HS6ST2: variants seen among roughly 807,000 people sequenced by gnomAD.
HS6ST2 encodes heparan-sulfate 6-O-sulfotransferase 2.
HS6ST2 carries 17 observed loss-of-function variants against 33.0 expected under a neutral mutation model. The ratio of observed to expected loss-of-function variants is 0.52; its 90% CI spans 0.35 to 0.77. The LOEUF is 0.77. Among genes scored for constraint, HS6ST2 ranks in the 30% least tolerant of loss-of-function variants. HS6ST2 has a pLI of 0.01. For missense variants in HS6ST2, 519 were observed against 551.7 expected (o/e 0.94, Z 0.59); for synonymous variants, 248 against 237.1 (o/e 1.05, Z -0.42).
rs368596351 is a variant in HS6ST2 at position 132,958,575 on chromosome X, C to A, written c.28G>T (p.Glu10Ter). 5 of 1,179,644 alleles carry A rather than the reference C, an allele frequency of 4.2e-6. No homozygotes were observed. Among genetic ancestry groups the A allele is most frequent in the Non-Finnish European group, 5.7e-6 (5 of 879,922 alleles). The change falls in exon 1 of 5, where the codon GAG becomes TAG. Residue 10 changes from glutamate (E) to a stop codon, truncating the protein, a stop_gained. Transcript: ENST00000370833. LOFTEE classifies it high-confidence loss of function. ...TCCGGTTGCCGCGGCGGCTCGAACT[C>A]CCGGACTGCACACGCAGGCAGTGCC... is the stretch of plus-strand genomic sequence containing the variant. MALPACAVR[E>*]FEPPRQPERG...
At chrX:132,822,461 TGCTCTA>T (rs2065469944) in intron 2 of HS6ST2, among the ~76,000 whole-genome samples, 1 of 111,427 alleles carries the variant, frequency 9.0e-6, no homozygotes, top group African/African-American at 3.3e-5. Context: ...TCTCTCCTCA[TGCTCTA>T]GCTAAGACAA....
At chrX:132,664,151 C>T (rs1318245903) in intron 4 of HS6ST2, among the ~76,000 whole-genome samples, 1 of 111,711 alleles carries the variant, frequency 9.0e-6, no homozygotes, top group Non-Finnish European at 1.9e-5. Context: ...GCTGGGACTA[C>T]AGGCGTGTGC....
intron 3 of HS6ST2, among the ~76,000 whole-genome samples, chrX:132,704,709 C>G (rs1475562582): frequency 8.9e-6 from 1 of 112,085 alleles, no homozygotes; most frequent in Non-Finnish European, 1.9e-5. Context: ...TTCCAACTGC[C>G]AATTGACATC....
At chrX:132,897,443 C>A (rs1354401707) in intron 2 of HS6ST2, among the ~76,000 whole-genome samples, 1 of 111,053 alleles carries the variant, frequency 9.0e-6, no homozygotes, top group Non-Finnish European at 1.9e-5. Context: ...ATCTGTATAG[C>A]CTTTAAGTAC....
At chrX:132,826,268 C>T (rs1409779969) in intron 2 of HS6ST2, among the ~76,000 whole-genome samples, 1 of 111,599 alleles carries the variant, frequency 9.0e-6, no homozygotes, top group Admixed American at 9.6e-5. Context: ...TATGAACAAA[C>T]GTAGCTCCAT....
chrX:132,774,467 T>A (rs1422625965), intron 2 of HS6ST2, among the ~76,000 whole-genome samples: 1 of 112,079 alleles, frequency 8.9e-6, no homozygotes, highest in Non-Finnish European at 1.9e-5. Flanking sequence ...CAGCTTCTCA[T>A]GCAGAGAGAC....
chrX:132,794,391 CTTAT>C (rs962035834), intron 2 of HS6ST2, among the ~76,000 whole-genome samples: 2 of 110,721 alleles, frequency 1.8e-5, no homozygotes, highest in African/African-American at 6.6e-5. Context: ...CATATGTCTC[CTTAT>C]TTATTTATTT....
intron 3 of HS6ST2, among the ~76,000 whole-genome samples, chrX:132,698,880 A>G (rs192728682): frequency 8.9e-6 from 1 of 112,197 alleles, no homozygotes; most frequent in Non-Finnish European, 1.9e-5. Context: ...GTCTTATTCA[A>G]TTGTCATATC....
At chrX:132,728,173 C>T (rs1441680801) in intron 2 of HS6ST2, among the ~76,000 whole-genome samples, 1 of 111,867 alleles carries the variant, frequency 8.9e-6, no homozygotes, top group Non-Finnish European at 1.9e-5. Context: ...AGTAGAATTG[C>T]CGGATCATAT....
chrX:132,958,037 C>T (rs2148510807), intron 1 of HS6ST2, 138 bp downstream of exon 1: 2 of 598,674 alleles, frequency 3.3e-6, no homozygotes, highest in Admixed American at 4.3e-5. Context: ...CGCACCCCTC[C>T]GGAGACCCTA....
intron 2 of HS6ST2, among the ~76,000 whole-genome samples, chrX:132,733,952 C>G (rs2064482493): frequency 9.5e-6 from 1 of 105,256 alleles, no homozygotes; most frequent in African/African-American, 3.5e-5. Context: ...TTTCTAAAGT[C>G]TATGAACTTT....
intron 4 of HS6ST2, among the ~76,000 whole-genome samples, chrX:132,643,753 A>T (rs996741788): frequency 8.9e-6 from 1 of 111,820 alleles, no homozygotes; most frequent in Non-Finnish European, 1.9e-5. Context: ...ACGTTCACTT[A>T]TTCTTTACTG....
At position 132,864,217 on chromosome X, in the gene HS6ST2, G is replaced by A. The variant is rs758761326; in HGVS notation, c.947+92591C>T. Among the ~76,000 whole-genome samples, 4 of 109,443 alleles carry A rather than the reference G, an allele frequency of 3.7e-5. No homozygotes were observed. In the South Asian group the frequency reaches 1.2e-3, roughly 33 times the overall value. On this transcript the variant is annotated intron_variant, in intron 2 of 4. Transcript: ENST00000370833. ...CACCTCCAAAGGATCACAACTCCTCGCGAGCAAGGGAACAAAAATGGAAGG... is the reference window on the plus strand; with the variant it reads ...CACCTCCAAAGGATCACAACTCCTCACGAGCAAGGGAACAAAAATGGAAGG...
intron 2 of HS6ST2, among the ~76,000 whole-genome samples, chrX:132,936,360 C>T (rs991138927): frequency 1.8e-5 from 2 of 109,679 alleles, no homozygotes; most frequent in Admixed American, 9.7e-5. Flanking sequence ...AGAGAAAAGC[C>T]CAGGCCCATA....
intron 2 of HS6ST2, among the ~76,000 whole-genome samples, chrX:132,880,469 G>A (rs2066155246): frequency 9.4e-6 from 1 of 106,196 alleles, no homozygotes; most frequent in South Asian, 4.5e-4. Context: ...CTGGGAGGCA[G>A]AAGTTGCAGC....
chrX:132,695,535 G>C (rs756626941), intron 3 of HS6ST2, among the ~76,000 whole-genome samples: 35 of 111,578 alleles, frequency 3.1e-4, no homozygotes, highest in Non-Finnish European at 4.0e-4. Context: ...TTAAACTATG[G>C]GGGTATTATT....
chrX:132,839,272 GTATATATATA>G (rs748319681), intron 2 of HS6ST2, among the ~76,000 whole-genome samples: 29 of 62,786 alleles, frequency 4.6e-4, no homozygotes, highest in East Asian at 7.1e-4. Context: ...TGTAGTGTGT[GTATATATATA>G]TATATATATA....
At chrX:132,795,799 G>C (rs187627515) in intron 2 of HS6ST2, among the ~76,000 whole-genome samples, 1 of 111,094 alleles carries the variant, frequency 9.0e-6, no homozygotes, top group East Asian at 2.8e-4. Context: ...GGTAGGGACA[G>C]GGTTTTGCCA....
At chrX:132,829,199 T>TATATATATATATATACAC (rs55664940) in intron 2 of HS6ST2, among the ~76,000 whole-genome samples, 6,380 of 72,530 alleles carry the variant, frequency 0.088, 500 homozygotes, top group Middle Eastern at 0.12. Context: ...TATATATATA[T>TATATATATATATATACAC]ACATACTTAT....
Sources: gnomAD v4.1 joint callset for allele counts (sites outside exome capture counted in the v4.1 genomes callset) on GRCh38, gnomAD v4.1.1 for gene constraint, MANE v1.5 for transcripts, NCBI Gene and HGNC (gene_info 2026-07-23, HGNC 2026-07-21) for gene names.